The following DUSP22 variants were observed in gnomAD, a reference collection of about 807,000 sequenced individuals.
DUSP22 encodes dual specificity protein phosphatase 22.
In DUSP22, 24 loss-of-function variants were observed where a neutral mutation model predicts 24.5. The observed-to-expected ratio is 0.98, with a 90% CI of 0.71 to 1.38. The LOEUF is 1.38. Ranked by LOEUF, DUSP22 falls within the 40% of genes most tolerant of loss-of-function variation. The probability of loss-of-function intolerance (pLI) is 0.00; values close to 1 mark genes in which losing one functional copy is unlikely to be tolerated. For missense variants in DUSP22, 330 were observed against 269.2 expected (o/e 1.23, Z -1.58); for synonymous variants, 160 against 106.4 (o/e 1.50, Z -3.10).
chr6:346,933 C>T (rs563812432), intron 5 of DUSP22, among the ~76,000 whole-genome samples: 4,078 of 151,154 alleles, frequency 0.027, 4 homozygotes, highest in Middle Eastern at 0.055. Context: ...ACAGGGAGGA[C>T]GCTAGATAGT....
At chr6:299,441 T>C (rs541911573) in intron 1 of DUSP22, among the ~76,000 whole-genome samples, 146 of 152,364 alleles carry the variant, frequency 9.6e-4, no homozygotes, top group African/African-American at 3.4e-3. Context: ...ATTACGAAGC[T>C]GACTAGTGTA....
chr6:300,251 C>A (rs1011498703), intron 1 of DUSP22, among the ~76,000 whole-genome samples: 19 of 152,296 alleles, frequency 1.2e-4, no homozygotes, highest in African/African-American at 4.3e-4. Flanking sequence ...GTGGTCACTT[C>A]CTTAGATGTG....
At chr6:345,953 C>A (rs368122798) in intron 5 of DUSP22, 25 bp downstream of exon 5, 13 of 1,613,394 alleles carry the variant, frequency 8.1e-6, no homozygotes, top group Non-Finnish European at 1.0e-5. Flanking sequence ...TGCTTAATAG[C>A]GCCTTAGCGT....
chr6:339,284 A>G (rs1759491098), intron 4 of DUSP22, among the ~76,000 whole-genome samples: 1 of 152,302 alleles, frequency 6.6e-6, no homozygotes, highest in Non-Finnish European at 1.5e-5. Flanking sequence ...AGTCATTTTA[A>G]CCTCTCTTCT....
At position 350,716 on chromosome 6, in the gene DUSP22, G is replaced by A; in HGVS notation, c.*1765G>A. 6.2e-7 allele frequency: 1 copy of A among 1,606,624 alleles called. No homozygotes were observed. The highest frequency in any genetic ancestry group is 8.5e-7 in the Non-Finnish European group (1 of 1,176,644). ...TAACAGAAAAATGATTTAGGATATA[G>A]CTTGAATGCTTAAATATGTGCACCT... On this transcript the variant is annotated 3_prime_UTR_variant, in exon 7 of 7. Transcript: ENST00000419235.
chr6:301,086 C>T (rs983767492), intron 1 of DUSP22, among the ~76,000 whole-genome samples: 40 of 152,404 alleles, frequency 2.6e-4, no homozygotes, highest in African/African-American at 9.6e-4. Flanking sequence ...CAAAGGCTTA[C>T]GTGAGCAGGT....
At chr6:331,659 C>T (rs969436370) in intron 3 of DUSP22, among the ~76,000 whole-genome samples, 2 of 152,306 alleles carry the variant, frequency 1.3e-5, no homozygotes, top group African/African-American at 4.8e-5. Context: ...GGGACTCATG[C>T]TGCTTTCTGA....
At chr6:306,807 C>T (rs1757831395) in intron 2 of DUSP22, among the ~76,000 whole-genome samples, 2 of 152,310 alleles carry the variant, frequency 1.3e-5, no homozygotes, top group Admixed American at 1.3e-4. Flanking sequence ...TATCAGAGTC[C>T]AACAGCAGGT....
At chr6:326,659 G>A (rs1376121024) in intron 3 of DUSP22, among the ~76,000 whole-genome samples, 2 of 152,304 alleles carry the variant, frequency 1.3e-5, no homozygotes, top group Non-Finnish European at 2.9e-5. Context: ...AGAGTCACTG[G>A]CAAATCCTGT....
chr6:349,042 A>C lies in DUSP22; in HGVS notation c.*91A>C. On this transcript the variant is annotated 3_prime_UTR_variant, in exon 7 of 7. Transcript: ENST00000419235. ...GGTGGTGGTGGCCGATGAGGACAGG[A>C]AAGGGAGATAGCCAGGGCGAGGTGG... 6.6e-7 allele frequency: 1 copy of C among 1,513,152 alleles called. No homozygotes were observed. Among genetic ancestry groups the C allele is most frequent in the Non-Finnish European group, 8.9e-7 (1 of 1,129,268 alleles). 93.7% of individuals were successfully genotyped at this position (1,513,152 alleles called of 1,614,324 possible). A position where few individuals can be genotyped will look rare whatever the true frequency, so the allele number is the denominator to read the frequency against.
intron 3 of DUSP22, among the ~76,000 whole-genome samples, chr6:322,303 G>A (rs534058193): frequency 6.6e-6 from 1 of 152,428 alleles, no homozygotes; most frequent in East Asian, 1.9e-4. Flanking sequence ...CACAGCCTGT[G>A]AACACGTGAT....
At chr6:332,273 G>A (rs975999685) in intron 3 of DUSP22, among the ~76,000 whole-genome samples, 1 of 152,306 alleles carries the variant, frequency 6.6e-6, no homozygotes, top group African/African-American at 2.4e-5. Flanking sequence ...CCAAATTGTG[G>A]TTGGGAGCCA....
At chr6:314,763 C>T (rs1371228423) in intron 3 of DUSP22, among the ~76,000 whole-genome samples, 7 of 152,310 alleles carry the variant, frequency 4.6e-5, no homozygotes, top group African/African-American at 1.7e-4. Context: ...CTGAGACCCC[C>T]ATGGAACATG....
At position 333,623 on chromosome 6, in the gene DUSP22, A is replaced by G. The variant is rs974399154; in HGVS notation, c.139-1491A>G. Among the ~76,000 whole-genome samples, 12 of 152,422 alleles carry G rather than the reference A, an allele frequency of 7.9e-5. No individual in the cohort carries two copies. In the South Asian group the frequency reaches 1.7e-3, roughly 21 times the overall value. On this transcript the variant is annotated intron_variant, in intron 3 of 6. Transcript: ENST00000419235. ...TTTTACTAAGAGAGACTGAAAGCTC[A>G]TGGTTCCCTCAGAATAGATGGAGAA...
intron 1 of DUSP22, 89 bp downstream of exon 1, chr6:292,649 G>C (rs1377484906): frequency 6.6e-7 from 1 of 1,508,506 alleles, no homozygotes; most frequent in Non-Finnish European, 8.9e-7. Flanking sequence ...ACTCGAGCCC[G>C]GGGTGCCCTT....
chr6:311,908 GA>G lies in DUSP22; in HGVS notation c.86del (p.Asn29ThrfsTer3). 3.1e-6 allele frequency: 5 copies of G among 1,612,484 alleles called. No individual in the cohort carries two copies. Among genetic ancestry groups the G allele is most frequent in the Non-Finnish European group, 4.2e-6 (5 of 1,179,030 alleles). On this transcript the variant is annotated frameshift_variant, in exon 3 of 7. Coordinates refer to ENST00000419235, the MANE Select transcript of DUSP22 (RefSeq NM_001286555.3). LOFTEE classifies it high-confidence loss of function. The stretch of plus-strand genomic sequence containing the variant: ...CCAGAGACGCGGAACAATTGAGCAA[GA>G]ACAAGGTGACACATATTCTGTCTGT... Reference protein sequence around the residue: ...DARDAEQLSKNKVTHILSVHD... With the variant: ...DARDAEQLSKXKVTHILSVHD...
intron 3 of DUSP22, among the ~76,000 whole-genome samples, chr6:319,467 C>T (rs1758490001): frequency 6.6e-6 from 1 of 152,302 alleles, no homozygotes; most frequent in South Asian, 2.1e-4. Context: ...GAAGATGGCC[C>T]AAGACATGTA....
chr6:318,065 G>A (rs1388053963), intron 3 of DUSP22, among the ~76,000 whole-genome samples: 1 of 152,312 alleles, frequency 6.6e-6, no homozygotes, highest in Admixed American at 6.5e-5. Flanking sequence ...TCCTTAGTAA[G>A]CAGCGGTGCC....
chr6:332,228 A>G lies in DUSP22; in HGVS notation c.139-2886A>G, dbSNP rs534058604. Among the ~76,000 whole-genome samples the G allele has an allele frequency of 3.4e-4, 52 of 152,398 alleles. No homozygotes were observed. The East Asian group carries it at 8.7e-3, about 25-fold the overall frequency. ...AATATAATCTTGACTCAGGTTTTCT[A>G]TTTTTATCTGTCCTGCCTTAGCAGC... On this transcript the variant is annotated intron_variant, in intron 3 of 6. Coordinates refer to ENST00000419235, the MANE Select transcript of DUSP22 (RefSeq NM_001286555.3).
Sources: gnomAD v4.1 joint callset for allele counts (sites outside exome capture counted in the v4.1 genomes callset) on GRCh38, gnomAD v4.1.1 for gene constraint, MANE v1.5 for transcripts, NCBI Gene and HGNC (gene_info 2026-07-23, HGNC 2026-07-21) for gene names.